The following NRG3 variants were observed in gnomAD, a reference collection of about 807,000 sequenced individuals.
NRG3 encodes pro-neuregulin-3, membrane-bound isoform.
NRG3 carries 31 observed loss-of-function variants against 66.9 expected under a neutral mutation model. The observed-to-expected ratio is 0.46, with a 90% CI of 0.35 to 0.63. The LOEUF (loss-of-function observed/expected upper bound fraction) is 0.63. Ranked by LOEUF, NRG3 falls within the 20% of genes least tolerant of loss-of-function variation. NRG3 has a pLI of 0.00. For missense variants in NRG3, 910 were observed against 878.9 expected (o/e 1.04, Z -0.45); for synonymous variants, 393 against 359.4 (o/e 1.09, Z -1.06).
chr10:81,889,406 C>G (rs910190422), intron 1 of NRG3: 4 of 152,194 alleles, frequency 2.6e-5, no homozygotes, highest in African/African-American at 9.7e-5. Flanking sequence ...TCTTGCACGG[C>G]CTGCCAGAGA....
chr10:82,371,475 G>A (rs558197479), intron 2 of NRG3, among the ~76,000 whole-genome samples: 57 of 152,084 alleles, frequency 3.7e-4, no homozygotes, highest in Non-Finnish European at 4.4e-4. Flanking sequence ...TCAATGTTCC[G>A]AGTCCACTGT....
chr10:82,677,877 G>T (rs925777902), intron 2 of NRG3, among the ~76,000 whole-genome samples: 2 of 152,184 alleles, frequency 1.3e-5, no homozygotes, highest in African/African-American at 4.8e-5. Flanking sequence ...GCATGATTTG[G>T]TGGGTTGCCT....
chr10:82,184,112 G>A (rs1247483669), intron 1 of NRG3, among the ~76,000 whole-genome samples: 1 of 152,076 alleles, frequency 6.6e-6, no homozygotes, highest in Non-Finnish European at 1.5e-5. Flanking sequence ...GGTTTTCAAG[G>A]TGTGGTCTGC....
chr10:82,854,960 A>C (rs2063734658), intron 3 of NRG3, among the ~76,000 whole-genome samples: 1 of 152,110 alleles, frequency 6.6e-6, no homozygotes, highest in South Asian at 2.1e-4. Context: ...CAGGACTTAC[A>C]ATCCTCTACC....
intron 2 of NRG3, among the ~76,000 whole-genome samples, chr10:82,492,798 C>T (rs913228252): frequency 2.6e-5 from 4 of 152,144 alleles, no homozygotes; most frequent in African/African-American, 7.2e-5. Flanking sequence ...GTTTGAGAAA[C>T]GTGTCCTTAG....
At chr10:81,892,632 G>C (rs912438288) in intron 1 of NRG3, among the ~76,000 whole-genome samples, 1 of 152,130 alleles carries the variant, frequency 6.6e-6, no homozygotes, top group Middle Eastern at 3.2e-3. Flanking sequence ...GCTGTACGTG[G>C]AGATAGAGAG....
chr10:81,875,355 G>A lies in NRG3; in HGVS notation c.15G>A (p.Ala5=). 4.0e-6 allele frequency: 4 copies of A among 989,752 alleles called. No individual in the cohort carries two copies. Among genetic ancestry groups the A allele is most frequent in the Non-Finnish European group, 4.8e-6 (4 of 834,342 alleles). 61.3% of individuals were successfully genotyped at this position (989,752 alleles called of 1,614,324 possible). A position where few individuals can be genotyped will look rare whatever the true frequency, so the allele number is the denominator to read the frequency against. The change falls in exon 1 of 9, where the codon GCG becomes GCA. Residue 5 remains alanine (A), a synonymous_variant. Coordinates refer to ENST00000372141, the MANE Select transcript of NRG3 (RefSeq NM_001010848.4). The surrounding 1 kb of genome is among the most constrained non-coding windows in gnomAD (Gnocchi z 5.3). MSEG[A]AAASPPGAAS... is the part of the protein sequence containing the mutation. ...CGGCTCCTAGGATGAGTGAAGGGGC[G>A]GCCGCTGCCTCGCCACCTGGTGCCG...
chr10:81,899,718 T>C (rs1008313677), intron 1 of NRG3, among the ~76,000 whole-genome samples: 3 of 152,188 alleles, frequency 2.0e-5, no homozygotes, highest in Non-Finnish European at 4.4e-5. Context: ...GCCTGGCCCC[T>C]GTTGACTCCG....
At chr10:82,358,942 C>A (rs1309579018) in intron 2 of NRG3, 74 bp downstream of exon 2, 2 of 1,598,436 alleles carry the variant, frequency 1.3e-6, no homozygotes, top group African/African-American at 2.7e-5. Context: ...CTGGCAGCAT[C>A]TGGTATGTGT....
intron 2 of NRG3, among the ~76,000 whole-genome samples, chr10:82,680,467 G>T (rs1361595417): frequency 7.2e-5 from 11 of 152,186 alleles, no homozygotes; most frequent in Non-Finnish European, 2.9e-5. Context: ...TTTTAATCAT[G>T]CAAGTAATAC....
intron 2 of NRG3, among the ~76,000 whole-genome samples, chr10:82,501,564 T>A (rs574883220): frequency 6.6e-6 from 1 of 152,216 alleles, no homozygotes; most frequent in Admixed American, 6.5e-5. Context: ...TCCCAAGTGT[T>A]ATCTGGCTTA....
intron 2 of NRG3, among the ~76,000 whole-genome samples, chr10:82,410,016 C>A (rs1400963796): frequency 6.6e-6 from 1 of 152,144 alleles, no homozygotes; most frequent in Non-Finnish European, 1.5e-5. Flanking sequence ...GCATGGTCTT[C>A]TGTGACCCAG....
chr10:82,126,609 T>C (rs1323314139), intron 1 of NRG3, among the ~76,000 whole-genome samples: 1 of 152,128 alleles, frequency 6.6e-6, no homozygotes, highest in Non-Finnish European at 1.5e-5. Context: ...TATTCCTTGA[T>C]GCCAGAAAGA....
intron 2 of NRG3, among the ~76,000 whole-genome samples, chr10:82,569,572 AATTCTGTTTCCC>A (rs1399052224): frequency 6.6e-6 from 1 of 151,700 alleles, no homozygotes. Flanking sequence ...AGTAGCATTT[AATTCTGTTTCCC>A]ATTCTGTTTT....
At chr10:81,949,043 AC>A (rs1172156351) in intron 1 of NRG3, among the ~76,000 whole-genome samples, 1 of 152,118 alleles carries the variant, frequency 6.6e-6, no homozygotes, top group Non-Finnish European at 1.5e-5. Flanking sequence ...GTGACAATAC[AC>A]ATAGGGTATT....
intron 2 of NRG3, among the ~76,000 whole-genome samples, chr10:82,652,147 C>T (rs908505367): frequency 1.3e-5 from 2 of 152,156 alleles, no homozygotes; most frequent in African/African-American, 4.8e-5. Flanking sequence ...AGGATGAGCG[C>T]TTTTAGGGTG....
chr10:82,811,893 T>C (rs1446750487), intron 3 of NRG3, among the ~76,000 whole-genome samples: 1 of 152,310 alleles, frequency 6.6e-6, no homozygotes, highest in East Asian at 1.9e-4. Flanking sequence ...ACCATGATAG[T>C]TGACTGAATA....
chr10:82,005,658 T>C (rs1168453423), intron 1 of NRG3, among the ~76,000 whole-genome samples: 2 of 152,198 alleles, frequency 1.3e-5, no homozygotes, highest in Non-Finnish European at 2.9e-5. Flanking sequence ...TAGGTCATTT[T>C]AATTTTAAGC....
chr10:82,904,315 AC>A (rs2131906968), intron 4 of NRG3, among the ~76,000 whole-genome samples: 2 of 152,242 alleles, frequency 1.3e-5, no homozygotes, highest in African/African-American at 4.8e-5. Context: ...AAGACTGGAC[AC>A]CCCTGGTGTA....
Sources: allele counts gnomAD v4.1 joint callset (sites outside exome capture counted in the v4.1 genomes callset), GRCh38; gene constraint gnomAD v4.1.1; non-coding constraint Gnocchi (gnomAD v3.1); transcripts MANE v1.5; gene names NCBI Gene and HGNC (gene_info 2026-07-23, HGNC 2026-07-21).